CAMTA1: variants seen among roughly 807,000 people sequenced by gnomAD.
CAMTA1 encodes the protein calmodulin binding transcription activator 1, also known as calmodulin-binding transcription activator 1.
CAMTA1 carries 27 observed loss-of-function variants against 170.9 expected under a neutral mutation model. The observed-to-expected ratio is 0.16, with a 90% confidence interval of 0.12 to 0.22. The LOEUF (loss-of-function observed/expected upper bound fraction) is 0.22. Ranked by LOEUF, CAMTA1 falls within the 10% of genes least tolerant of loss-of-function variation. The pLI is 1.00. For missense variants in CAMTA1, 1,619 were observed against 2,217.2 expected (o/e 0.73, Z 5.42); for synonymous variants, 833 against 891.5 (o/e 0.93, Z 1.17).
chr1:7,513,192 C>T (rs1156733733), intron 6 of CAMTA1, among the ~76,000 whole-genome samples: 3 of 152,104 alleles, frequency 2.0e-5, no homozygotes, highest in Admixed American at 6.5e-5. Flanking sequence ...TGGGGAGAAG[C>T]GGCCGATTCT....
intron 11 of CAMTA1, among the ~76,000 whole-genome samples, chr1:7,730,328 C>G (rs1350105416): frequency 6.6e-6 from 1 of 152,202 alleles, no homozygotes; most frequent in Non-Finnish European, 1.5e-5. Flanking sequence ...TCCCTCTGTG[C>G]TCCAGCCACA....
chr1:7,172,142 T>C (rs1470582762), intron 4 of CAMTA1, among the ~76,000 whole-genome samples: 1 of 152,196 alleles, frequency 6.6e-6, no homozygotes, highest in African/African-American at 2.4e-5. Flanking sequence ...GGTGGAGATC[T>C]TGTCCTGTGA....
At chr1:6,968,558 G>A (rs1691978846) in intron 3 of CAMTA1, among the ~76,000 whole-genome samples, 1 of 152,146 alleles carries the variant, frequency 6.6e-6, no homozygotes, top group African/African-American at 2.4e-5. Context: ...TCATGGAACT[G>A]ATGTTAGGGT....
chr1:7,310,720 T>TTCTCTCTCTCTCTCTCTCTCTCTC (rs1557492016), intron 5 of CAMTA1, among the ~76,000 whole-genome samples: 2 of 79,652 alleles, frequency 2.5e-5, no homozygotes, highest in African/African-American at 1.4e-4. Flanking sequence ...CTTTCTTTCT[T>TTCTCTCTCTCTCTCTCTCTCTCTC]TCTTTCTTTC....
At chr1:7,332,952 A>G (rs1190792695) in intron 5 of CAMTA1, among the ~76,000 whole-genome samples, 2 of 152,204 alleles carry the variant, frequency 1.3e-5, no homozygotes, top group Non-Finnish European at 2.9e-5. Context: ...CAGTGGACTC[A>G]TGGCCACTCT....
chr1:7,473,918 GTC>G (rs2093376222), intron 6 of CAMTA1, among the ~76,000 whole-genome samples: 1 of 152,260 alleles, frequency 6.6e-6, no homozygotes, highest in Non-Finnish European at 1.5e-5. Context: ...CTCAGGATGT[GTC>G]TCTTCTGGGA....
At chr1:7,182,250 A>G (rs1652324060) in intron 4 of CAMTA1, among the ~76,000 whole-genome samples, 1 of 152,144 alleles carries the variant, frequency 6.6e-6, no homozygotes, top group Admixed American at 6.5e-5. Flanking sequence ...TCATAAAAGT[A>G]CTAGAAGTGG....
chr1:7,235,771 C>T (rs567816765), intron 4 of CAMTA1, among the ~76,000 whole-genome samples: 29 of 152,300 alleles, frequency 1.9e-4, no homozygotes, highest in African/African-American at 6.7e-4. Flanking sequence ...GGCTTTTAGG[C>T]CGACAAATCT....
chr1:7,631,309 T>C (rs2095667433), intron 6 of CAMTA1, among the ~76,000 whole-genome samples: 1 of 152,068 alleles, frequency 6.6e-6, no homozygotes, highest in Admixed American at 6.5e-5. Context: ...TGAGGCTGAG[T>C]GCACAGCCCT....
intron 9 of CAMTA1, among the ~76,000 whole-genome samples, chr1:7,667,471 G>A (rs1052099514): frequency 2.0e-5 from 3 of 152,150 alleles, no homozygotes; most frequent in Non-Finnish European, 4.4e-5. Context: ...GGCACTCCCA[G>A]TCCTAGGACC....
Position 7,414,218 on chromosome 1 carries a change from C to G in CAMTA1, c.439-53612C>G, listed in dbSNP as rs367611432. Among the ~76,000 whole-genome samples the G allele has an allele frequency of 2.7e-3, 412 of 152,176 alleles. 2 individuals carry two copies. The highest frequency in any genetic ancestry group is 8.4e-3 in the African/African-American group (349 of 41,516). On this transcript the variant is annotated intron_variant, in intron 5 of 22. Transcript: ENST00000303635. ...ATCAAGGATATTGGTCTAAAATTCT[C>G]TTTTTTTGGTTGTATCTCTGCCAGG...
intron 6 of CAMTA1, among the ~76,000 whole-genome samples, chr1:7,492,521 G>A (rs968124981): frequency 2.0e-5 from 3 of 152,134 alleles, no homozygotes; most frequent in Non-Finnish European, 4.4e-5. Flanking sequence ...GAGCTCATCC[G>A]CTCCTGCATA....
intron 3 of CAMTA1, among the ~76,000 whole-genome samples, chr1:6,872,288 TTATC>T (rs1214111487): frequency 6.6e-6 from 1 of 151,272 alleles, no homozygotes; most frequent in Non-Finnish European, 1.5e-5. Context: ...GCAGAGTAAC[TTATC>T]TTTCTTTCAG....
rs568314397 is a variant in CAMTA1 at position 7,594,645 on chromosome 1, C to A, written c.511-45755C>A. Among the ~76,000 whole-genome samples, 16 of 152,262 alleles carry A rather than the reference C, an allele frequency of 1.1e-4. No homozygotes were observed. The South Asian group carries it at 2.3e-3, about 22-fold the overall frequency. On this transcript the variant is annotated intron_variant, in intron 6 of 22. Coordinates refer to ENST00000303635, the MANE Select transcript of CAMTA1 (RefSeq NM_015215.4). ...AGAGAGGGTGGTGACTGCACCAGGG[C>A]AGAGCAGGGTGGGGAGAGGAGGACA...
At chr1:6,949,846 C>G (rs1688181736) in intron 3 of CAMTA1, among the ~76,000 whole-genome samples, 1 of 152,272 alleles carries the variant, frequency 6.6e-6, no homozygotes, top group Non-Finnish European at 1.5e-5. Context: ...CCTCGGCACG[C>G]CAGGCCCTTC....
At chr1:7,639,017 T>C (rs2095738820) in intron 6 of CAMTA1, among the ~76,000 whole-genome samples, 1 of 152,150 alleles carries the variant, frequency 6.6e-6, no homozygotes, top group Non-Finnish European at 1.5e-5. Context: ...CTCGCTCTGT[T>C]GCCCAGGCTG....
At chr1:7,700,232 T>G (rs760071714) in intron 11 of CAMTA1, among the ~76,000 whole-genome samples, 12 of 152,194 alleles carry the variant, frequency 7.9e-5, no homozygotes, top group Non-Finnish European at 1.5e-4. Flanking sequence ...TCAACTTCAT[T>G]CTTTTTCATG....
intron 6 of CAMTA1, among the ~76,000 whole-genome samples, chr1:7,593,633 G>A (rs934882637): frequency 1.3e-5 from 2 of 151,582 alleles, no homozygotes; most frequent in African/African-American, 4.8e-5. Context: ...GGGACTACGA[G>A]CATGCACTAT....
At chr1:7,097,096 C>T (rs1175048919) in intron 4 of CAMTA1, among the ~76,000 whole-genome samples, 1 of 152,218 alleles carries the variant, frequency 6.6e-6, no homozygotes, top group African/African-American at 2.4e-5. Context: ...GAGCCTTCCC[C>T]AAACTCACCA....
Sources: allele counts gnomAD v4.1 joint callset (sites outside exome capture counted in the v4.1 genomes callset), GRCh38; gene constraint gnomAD v4.1.1; transcripts MANE v1.5; gene names NCBI Gene and HGNC (gene_info 2026-07-23, HGNC 2026-07-21).